FAM81A: variants seen among roughly 807,000 people sequenced by gnomAD.
FAM81A encodes family with sequence similarity 81 member A.
Under a neutral mutation model 46.7 loss-of-function variants are expected in FAM81A, and 19 were observed. The observed-to-expected ratio is 0.41, with a 90% CI of 0.28 to 0.60. The LOEUF (loss-of-function observed/expected upper bound fraction) is 0.60. Ranked by LOEUF, FAM81A falls within the 20% of genes least tolerant of loss-of-function variation. FAM81A has a pLI of 0.34. For missense variants in FAM81A, 377 were observed against 453.5 expected (o/e 0.83, Z 1.53); for synonymous variants, 183 against 152.9 (o/e 1.20, Z -1.45).
chr15:59,432,835 T>A (rs1203059765), intron 2 of FAM81A, among the ~76,000 whole-genome samples: 1 of 152,016 alleles, frequency 6.6e-6, no homozygotes, highest in African/African-American at 2.4e-5. Context: ...AGTATTTTAA[T>A]GCAATATTTA....
intron 2 of FAM81A, among the ~76,000 whole-genome samples, chr15:59,406,110 G>A (rs1236168530): frequency 3.3e-5 from 5 of 152,106 alleles, no homozygotes; most frequent in Non-Finnish European, 5.9e-5. Context: ...GGAATGGGTG[G>A]GTCTGAGAGT....
chr15:59,494,392 G>A (rs1047366233), intron 4 of FAM81A, among the ~76,000 whole-genome samples: 3 of 152,176 alleles, frequency 2.0e-5, no homozygotes, highest in Admixed American at 6.5e-5. Flanking sequence ...CCCTGCATGC[G>A]ATGAAAAGGG....
chr15:59,461,829 G>A (rs919917831), intron 3 of FAM81A, among the ~76,000 whole-genome samples: 8 of 152,156 alleles, frequency 5.3e-5, no homozygotes, highest in African/African-American at 1.9e-4. Flanking sequence ...TCTTTGATGT[G>A]AAAATATGTC....
At chr15:59,446,806 T>A (rs1182234198) in intron 1 of FAM81A, 1 of 152,186 alleles carries the variant, frequency 6.6e-6, no homozygotes, top group African/African-American at 2.4e-5. Flanking sequence ...TTCCCAGCTT[T>A]GATGAGAGCA....
chr15:59,413,988 C>G (rs1405603710), intron 2 of FAM81A, among the ~76,000 whole-genome samples: 1 of 152,130 alleles, frequency 6.6e-6, no homozygotes, highest in African/African-American at 2.4e-5. Flanking sequence ...GAATCTCACT[C>G]TGTCACCCAG....
chr15:59,508,737 TA>T, intron 5 of FAM81A, 125 bp from the exon 6 acceptor site: 1 of 626,582 alleles, frequency 1.6e-6, no homozygotes. Context: ...GGTAGACTTA[TA>T]AATGAATTTA....
chr15:59,521,550 T>C lies in FAM81A; in HGVS notation c.*172T>C, dbSNP rs1460800753. 6.3e-6 allele frequency: 4 copies of C among 632,552 alleles called. No individual in the cohort carries two copies. The highest frequency in any genetic ancestry group is 5.7e-5 in the African/African-American group (3 of 52,756). 39.2% of individuals were successfully genotyped at this position (632,552 alleles called of 1,614,324 possible). A position where few individuals can be genotyped will look rare whatever the true frequency, so the allele number is the denominator to read the frequency against. On this transcript the variant is annotated 3_prime_UTR_variant, in exon 9 of 9. Coordinates refer to ENST00000288228, the MANE Select transcript of FAM81A (RefSeq NM_152450.3). ...TTACCTTGAGTCTTGAAAATACTCTTTTGTTAAAAGTATGAAATACAGTTT... is the reference window on the plus strand; with the variant it reads ...TTACCTTGAGTCTTGAAAATACTCTCTTGTTAAAAGTATGAAATACAGTTT...
At position 59,522,759 on chromosome 15, in the gene FAM81A, CA is replaced by C. The variant is rs2082339886; in HGVS notation, c.*1382del. ...GCCAAGGACTCAGGAAAATAAAAAG[CA>C]TTTTCTATTTTTAGGACAAATCACA... is the stretch of plus-strand genomic sequence containing the variant. On this transcript the variant is annotated 3_prime_UTR_variant, in exon 9 of 9. Transcript: ENST00000288228. The C allele has an allele frequency of 1.3e-5, 2 of 152,558 alleles. 1 individual carries two copies. Among genetic ancestry groups the C allele is most frequent in the South Asian group, 4.1e-4 (2 of 4,830 alleles). 9.5% of individuals were successfully genotyped at this position (152,558 alleles called of 1,614,324 possible).
intron 7 of FAM81A, among the ~76,000 whole-genome samples, chr15:59,516,382 G>A (rs1034708212): frequency 3.3e-5 from 5 of 152,128 alleles, no homozygotes; most frequent in Middle Eastern, 3.4e-3. Flanking sequence ...TGCCTGCCTC[G>A]GCCTCCCAAA....
chr15:59,470,086 C>G (rs1445271942), intron 3 of FAM81A, among the ~76,000 whole-genome samples: 1 of 152,224 alleles, frequency 6.6e-6, no homozygotes, highest in Non-Finnish European at 1.5e-5. Flanking sequence ...TGCTGTTAGT[C>G]TGATGGACTT....
At chr15:59,398,759 G>GA (rs71119468) in intron 1 of FAM81A, among the ~76,000 whole-genome samples, 17,389 of 41,414 alleles carry the variant, frequency 0.42, 5,847 homozygotes, top group Non-Finnish European at 0.49. Flanking sequence ...CTCTGTCTCA[G>GA]AAAAAAAAAA....
chr15:59,450,938 C>T (rs943926277), intron 1 of FAM81A, among the ~76,000 whole-genome samples: 1 of 152,198 alleles, frequency 6.6e-6, no homozygotes, highest in East Asian at 1.9e-4. Flanking sequence ...GCTGTATTCT[C>T]TTGGTTAGAA....
intron 1 of FAM81A, among the ~76,000 whole-genome samples, chr15:59,455,727 C>T (rs1427244389): frequency 6.6e-6 from 1 of 152,180 alleles, no homozygotes; most frequent in African/African-American, 2.4e-5. Context: ...GAAAAGCCAT[C>T]TCCGATAATC....
intron 3 of FAM81A, among the ~76,000 whole-genome samples, chr15:59,471,060 C>T (rs1299698079): frequency 6.6e-6 from 1 of 152,172 alleles, no homozygotes; most frequent in Non-Finnish European, 1.5e-5. Flanking sequence ...AGTGATCCTC[C>T]TGCCTCAGCT....
chr15:59,499,318 C>T (rs971236293), intron 4 of FAM81A, among the ~76,000 whole-genome samples: 2 of 152,184 alleles, frequency 1.3e-5, no homozygotes, highest in Admixed American at 6.5e-5. Flanking sequence ...TGCTCATCCA[C>T]CTCCTTTGTG....
intron 3 of FAM81A, among the ~76,000 whole-genome samples, chr15:59,472,348 A>T (rs2081704595): frequency 6.6e-6 from 1 of 152,026 alleles, no homozygotes. Context: ...CAAAACTAAA[A>T]CCAAACCAAA....
Position 59,480,827 on chromosome 15 carries a change from T to G in FAM81A, c.295-11444T>G, listed in dbSNP as rs2081841173. Among the ~76,000 whole-genome samples the G allele has an allele frequency of 3.3e-5, 5 of 152,302 alleles. No individual in the cohort carries two copies. In the South Asian group the frequency reaches 1.0e-3, roughly 32 times the overall value. Reference sequence around the variant, plus strand: ...CAAAATGACAAATTCAGGAACATTATTGACTTTACAAAGGAATTACTTTTC... The same window carrying G: ...CAAAATGACAAATTCAGGAACATTAGTGACTTTACAAAGGAATTACTTTTC... On this transcript the variant is annotated intron_variant, in intron 3 of 8. Coordinates refer to ENST00000288228, the MANE Select transcript of FAM81A (RefSeq NM_152450.3).
intron 1 of FAM81A, among the ~76,000 whole-genome samples, chr15:59,448,398 C>T (rs1270620100): frequency 4.6e-5 from 7 of 152,076 alleles, no homozygotes; most frequent in African/African-American, 1.7e-4. Flanking sequence ...ATTGCAGTGT[C>T]CTTTAAACTC....
chr15:59,456,252 C>T (rs2141629796), intron 1 of FAM81A, among the ~76,000 whole-genome samples: 1 of 149,976 alleles, frequency 6.7e-6, no homozygotes, highest in Non-Finnish European at 1.5e-5. Flanking sequence ...CAGGAGTGTG[C>T]AGGACATATC....
Sources: allele counts gnomAD v4.1 joint callset (sites outside exome capture counted in the v4.1 genomes callset), GRCh38; gene constraint gnomAD v4.1.1; transcripts MANE v1.5; gene names NCBI Gene and HGNC (gene_info 2026-07-23, HGNC 2026-07-21).